Variants in PREX1 observed in about 807,000 individuals in gnomAD.
PREX1 encodes the protein phosphatidylinositol-3,4,5-trisphosphate dependent Rac exchange factor 1, also known as phosphatidylinositol 3,4,5-trisphosphate-dependent Rac exchanger 1 protein.
Under a neutral mutation model 198.3 loss-of-function variants are expected in PREX1, and 41 were observed. The ratio of observed to expected loss-of-function variants is 0.21; its 90% CI spans 0.16 to 0.27. The LOEUF is 0.27. PREX1 is among the 10% of genes least tolerant of loss of function. The probability of loss-of-function intolerance (pLI) is 1.00; values close to 1 mark genes in which losing one functional copy is unlikely to be tolerated. For missense variants in PREX1, 1,620 were observed against 2,200.7 expected (o/e 0.74, Z 5.28); for synonymous variants, 843 against 887.2 (o/e 0.95, Z 0.89).
intron 33 of PREX1, among the ~76,000 whole-genome samples, chr20:48,634,171 GATGC>G (rs1463624891): frequency 0.023 from 2,038 of 88,100 alleles, 47 homozygotes; most frequent in African/African-American, 0.062. Context: ...TGGATGGATG[GATGC>G]ATGGATGGAT....
intron 1 of PREX1, among the ~76,000 whole-genome samples, chr20:48,800,752 G>T (rs2090382910): frequency 6.6e-6 from 1 of 152,102 alleles, no homozygotes; most frequent in Non-Finnish European, 1.5e-5. Context: ...ACTGAACACG[G>T]GCCTTTATAA....
intron 1 of PREX1, among the ~76,000 whole-genome samples, chr20:48,805,471 C>T (rs1035269176): frequency 1.3e-5 from 2 of 152,250 alleles, no homozygotes; most frequent in African/African-American, 2.4e-5. Context: ...ACCCTACCTT[C>T]TGCGGCTGCC....
intron 5 of PREX1, among the ~76,000 whole-genome samples, chr20:48,723,797 G>C (rs1428503948): frequency 2.0e-5 from 3 of 152,188 alleles, no homozygotes; most frequent in African/African-American, 7.2e-5. Context: ...GGGGAGATGG[G>C]AACAGGCCTC....
At chr20:48,628,881 T>G (rs1359215548) in intron 37 of PREX1, among the ~76,000 whole-genome samples, 1 of 152,150 alleles carries the variant, frequency 6.6e-6, no homozygotes. Flanking sequence ...AAGGGGCCCC[T>G]GCCCTCCCAG....
Position 48,744,961 on chromosome 20 carries a change from G to C in PREX1, c.414+64C>G, listed in dbSNP as rs890949551. On this transcript the variant is annotated intron_variant, in intron 3 of 39. Transcript: ENST00000371941. Reference sequence around the variant, plus strand: ...AGCTGGTGAAGGCGGATGGGGCAGGGACCCAGGGAGAAGCCCACTTTTCAA... The same window carrying C: ...AGCTGGTGAAGGCGGATGGGGCAGGCACCCAGGGAGAAGCCCACTTTTCAA... 2.5e-6 allele frequency: 4 copies of C among 1,589,012 alleles called. No individual in the cohort carries two copies. The Admixed American group carries it at 5.1e-5, about 20-fold the overall frequency.
At chr20:48,670,763 G>T (rs959760271) in intron 14 of PREX1, among the ~76,000 whole-genome samples, 2 of 152,158 alleles carry the variant, frequency 1.3e-5, no homozygotes, top group African/African-American at 4.8e-5. Context: ...GACTCAATCA[G>T]CGATCATTAA....
At chr20:48,683,167 C>A (rs977982689) in intron 10 of PREX1, among the ~76,000 whole-genome samples, 1 of 152,218 alleles carries the variant, frequency 6.6e-6, no homozygotes, top group Non-Finnish European at 1.5e-5. Context: ...AGGAGGGGAA[C>A]AGATGTTTGA....
At chr20:48,716,332 G>A (rs1456731845) in intron 5 of PREX1, among the ~76,000 whole-genome samples, 1 of 152,210 alleles carries the variant, frequency 6.6e-6, no homozygotes, top group Non-Finnish European at 1.5e-5. Context: ...CTCAAAGGAT[G>A]TCCAAAGGTG....
chr20:48,729,853 TG>T (rs1433779797), intron 4 of PREX1, among the ~76,000 whole-genome samples: 13 of 152,280 alleles, frequency 8.5e-5, no homozygotes, highest in African/African-American at 3.1e-4. Flanking sequence ...ATTTGGAAAT[TG>T]GATCTTTACA....
At chr20:48,826,084 C>T (rs1311168698) in intron 1 of PREX1, among the ~76,000 whole-genome samples, 9 of 152,016 alleles carry the variant, frequency 5.9e-5, no homozygotes, top group Non-Finnish European at 1.3e-4. Flanking sequence ...TGATCTCACA[C>T]AGCCTCAGCT....
chr20:48,673,324 T>C (rs550455268), intron 14 of PREX1, among the ~76,000 whole-genome samples: 16 of 152,356 alleles, frequency 1.1e-4, no homozygotes, highest in South Asian at 4.1e-4. Context: ...GGGCTCATCC[T>C]TGATTCCCAG....
chr20:48,700,814 T>C lies in PREX1; in HGVS notation c.856A>G (p.Ile286Val). 1 of 1,614,110 alleles carries C rather than the reference T, an allele frequency of 6.2e-7. No individual in the cohort carries two copies. The highest frequency in any genetic ancestry group is 8.5e-7 in the Non-Finnish European group (1 of 1,180,020). ...GTLLKISAGN[I>V]QERAFFLFDN... ...AAGAGGAAGAAGGCCCTTTCCTGGA[T>C]GTTGCCCGCAGAGATCTTTAACAAA... is the stretch of plus-strand genomic sequence containing the variant. The change falls in exon 7 of 40, where the codon ATC (isoleucine) becomes GTC (valine). Residue 286 changes from isoleucine to valine, a missense_variant. By Grantham distance (29) the Ile-to-Val change is conservative. This residue lies in a region of PREX1 where 488 missense variants were observed against 802.5 expected (regional missense o/e 0.61). Transcript: ENST00000371941.
Position 48,666,770 on chromosome 20 carries a change from C to A in PREX1, c.1666-415G>T, listed in dbSNP as rs1048614197. Among the ~76,000 whole-genome samples, 4 of 152,212 alleles carry A rather than the reference C, an allele frequency of 2.6e-5. No individual in the cohort carries two copies. Among genetic ancestry groups the A allele is most frequent in the African/African-American group, 9.7e-5 (4 of 41,442 alleles). ...TCAATCTCCTGACCTCGTGATCCGT[C>A]CGTCTTGGCCTCCCAAAGTGCTGGA... On this transcript the variant is annotated intron_variant, in intron 14 of 39. Transcript: ENST00000371941. This position sits in a 1 kb window ranked among gnomAD's most constrained non-coding sequence, Gnocchi z 4.3.
intron 1 of PREX1, among the ~76,000 whole-genome samples, chr20:48,820,290 G>A (rs1780789005): frequency 6.6e-6 from 1 of 152,208 alleles, no homozygotes; most frequent in Non-Finnish European, 1.5e-5. Context: ...CCCGCACACA[G>A]TCACTGTACT....
At chr20:48,631,311 T>C (rs2089312713) in intron 35 of PREX1, among the ~76,000 whole-genome samples, 1 of 152,212 alleles carries the variant, frequency 6.6e-6, no homozygotes, top group South Asian at 2.1e-4. Flanking sequence ...GCAGGTGTGC[T>C]AATAAAACTT....
intron 1 of PREX1, among the ~76,000 whole-genome samples, chr20:48,754,445 GC>G (rs1407313212): frequency 6.6e-6 from 1 of 152,186 alleles, no homozygotes; most frequent in Non-Finnish European, 1.5e-5. Flanking sequence ...CCTTAGGGGT[GC>G]CCCTGGGGAG....
intron 6 of PREX1, among the ~76,000 whole-genome samples, chr20:48,704,231 C>A (rs912878316): frequency 6.6e-6 from 1 of 152,188 alleles, no homozygotes; most frequent in African/African-American, 2.4e-5. Flanking sequence ...TCCACTCCCC[C>A]GACCTGCTCA....
At chr20:48,864,876 T>C in the PREX1 span, among the ~76,000 whole-genome samples, 1 of 152,198 alleles carries the variant, frequency 6.6e-6, no homozygotes, top group Admixed American at 6.5e-5. Context: ...GGGCCCTGTG[T>C]GCAATCAGAT....
chr20:48,725,169 T>C (rs1292633993), intron 5 of PREX1, among the ~76,000 whole-genome samples: 1 of 152,162 alleles, frequency 6.6e-6, no homozygotes, highest in African/African-American at 2.4e-5. Flanking sequence ...CCCTCCCCTT[T>C]TGCTTCCAGT....
Sources: allele counts gnomAD v4.1 joint callset (sites outside exome capture counted in the v4.1 genomes callset), GRCh38; gene constraint gnomAD v4.1.1; regional missense constraint gnomAD v4.1.1; non-coding constraint Gnocchi (gnomAD v3.1); transcripts MANE v1.5; gene names NCBI Gene and HGNC (gene_info 2026-07-23, HGNC 2026-07-21).